Variants in GRM8 observed in about 807,000 individuals in gnomAD.
The protein encoded by GRM8 is glutamate metabotropic receptor 8, also known as metabotropic glutamate receptor 8.
Under a neutral mutation model 87.2 loss-of-function variants are expected in GRM8, and 47 were observed. That is an observed-to-expected ratio of 0.54 (90% confidence interval 0.43 to 0.69). The LOEUF (loss-of-function observed/expected upper bound fraction) is 0.69, where lower values mean the gene tolerates loss of function less well. Among genes scored for constraint, GRM8 ranks in the 30% least tolerant of loss-of-function variants. The probability of loss-of-function intolerance (pLI) is 0.00; values close to 1 mark genes in which losing one functional copy is unlikely to be tolerated. For missense variants in GRM8, 1,019 were observed against 1,139.2 expected (o/e 0.89, Z 1.52); for synonymous variants, 396 against 404.5 (o/e 0.98, Z 0.25).
At chr7:127,033,235 A>G (rs140603603) in intron 3 of GRM8, among the ~76,000 whole-genome samples, 94 of 152,106 alleles carry the variant, frequency 6.2e-4, no homozygotes, top group African/African-American at 2.2e-3. Context: ...ATCAGATTGA[A>G]TAGCAATATT....
chr7:127,013,474 G>C (rs1246885905), intron 3 of GRM8, among the ~76,000 whole-genome samples: 3 of 130,112 alleles, frequency 2.3e-5, no homozygotes, highest in African/African-American at 8.4e-5. Context: ...ATTTCCTATG[G>C]AAATGCTATA....
At chr7:127,187,313 G>A (rs1332615471) in intron 2 of GRM8, among the ~76,000 whole-genome samples, 1 of 152,056 alleles carries the variant, frequency 6.6e-6, no homozygotes, top group Non-Finnish European at 1.5e-5. Flanking sequence ...GACATTATAT[G>A]TATATGTATA....
At chr7:126,810,958 G>T (rs1793228018) in intron 6 of GRM8, among the ~76,000 whole-genome samples, 1 of 152,062 alleles carries the variant, frequency 6.6e-6, no homozygotes, top group Admixed American at 6.6e-5. Context: ...AAAATATTCA[G>T]GAGAGTTTTC....
intron 2 of GRM8, among the ~76,000 whole-genome samples, chr7:127,181,556 G>A (rs1349940266): frequency 6.6e-6 from 1 of 151,622 alleles, no homozygotes; most frequent in East Asian, 1.9e-4. Flanking sequence ...TAAGCAAAAA[G>A]AATACATCTG....
chr7:127,232,718 T>C (rs1307967246), intron 2 of GRM8, among the ~76,000 whole-genome samples: 1 of 152,244 alleles, frequency 6.6e-6, no homozygotes, highest in Non-Finnish European at 1.5e-5. Flanking sequence ...ATTATCATCA[T>C]CATAACAAAC....
intron 3 of GRM8, among the ~76,000 whole-genome samples, chr7:126,964,116 C>G (rs1415940853): frequency 2.0e-5 from 3 of 152,046 alleles, no homozygotes; most frequent in African/African-American, 7.2e-5. Flanking sequence ...TAGCCATATG[C>G]AGAAAACTGA....
intron 7 of GRM8, among the ~76,000 whole-genome samples, chr7:126,616,317 T>C (rs1799485659): frequency 1.3e-5 from 2 of 152,224 alleles, no homozygotes; most frequent in Non-Finnish European, 2.9e-5. Context: ...AAGACGTTCT[T>C]TGAAACCAAT....
chr7:127,088,499 G>A (rs1192139391), intron 3 of GRM8, among the ~76,000 whole-genome samples: 1 of 152,192 alleles, frequency 6.6e-6, no homozygotes, highest in African/African-American at 2.4e-5. Flanking sequence ...ATGATGCATG[G>A]TTACATTTAG....
At chr7:126,772,393 G>A (rs1392216520) in intron 6 of GRM8, among the ~76,000 whole-genome samples, 1 of 152,108 alleles carries the variant, frequency 6.6e-6, no homozygotes, top group East Asian at 1.9e-4. Flanking sequence ...AATAAAGACA[G>A]TGAGGTTCAG....
intron 3 of GRM8, among the ~76,000 whole-genome samples, chr7:127,085,061 G>T (rs1021763501): frequency 6.6e-6 from 1 of 152,194 alleles, no homozygotes. Flanking sequence ...AGAACATGCA[G>T]TGTTTGGTTT....
intron 6 of GRM8, among the ~76,000 whole-genome samples, chr7:126,836,710 G>C (rs1795852515): frequency 6.6e-6 from 1 of 152,026 alleles, no homozygotes; most frequent in African/African-American, 2.4e-5. Flanking sequence ...TTCTGAATCA[G>C]GTGCTCTATT....
At chr7:127,173,752 C>A (rs1309020305) in intron 2 of GRM8, among the ~76,000 whole-genome samples, 2 of 152,192 alleles carry the variant, frequency 1.3e-5, no homozygotes, top group Non-Finnish European at 2.9e-5. Flanking sequence ...TCTGATCTGA[C>A]TGACTAGGAG....
rs544248283 is a variant in GRM8 at position 127,086,719 on chromosome 7, C to G, written c.727+19777G>C. On this transcript the variant is annotated intron_variant, in intron 3 of 10. Transcript: ENST00000339582. ...TGAAGGGCAACTGTTGTGTCCGTCT[C>G]CAGTGCCTATCACAGCATTGTGCCC... 2.0e-5 allele frequency among the ~76,000 whole-genome samples: 3 copies of G among 152,334 alleles called. No individual in the cohort carries two copies. The South Asian group carries it at 6.2e-4, about 32-fold the overall frequency.
chr7:127,073,505 T>C (rs1312169895), intron 3 of GRM8, among the ~76,000 whole-genome samples: 1 of 152,146 alleles, frequency 6.6e-6, no homozygotes, highest in East Asian at 1.9e-4. Flanking sequence ...CAGGCTCTGT[T>C]CTCTGCATCA....
At chr7:126,556,642 G>A (rs1024849305) in intron 8 of GRM8, among the ~76,000 whole-genome samples, 3 of 151,966 alleles carry the variant, frequency 2.0e-5, no homozygotes, top group South Asian at 2.1e-4. Context: ...GCAAGACTCC[G>A]TCTTGAAAAA....
At chr7:127,188,617 C>A (rs555700026) in intron 2 of GRM8, among the ~76,000 whole-genome samples, 19 of 152,286 alleles carry the variant, frequency 1.2e-4, no homozygotes, top group Admixed American at 9.8e-4. Flanking sequence ...CTACATTTGA[C>A]ATAATTTTTT....
At chr7:127,054,784 G>A (rs1378839865) in intron 3 of GRM8, among the ~76,000 whole-genome samples, 1 of 152,008 alleles carries the variant, frequency 6.6e-6, no homozygotes, top group African/African-American at 2.4e-5. Context: ...TAATAAATAG[G>A]TTGTATAAAC....
intron 3 of GRM8, among the ~76,000 whole-genome samples, chr7:127,042,387 T>C (rs1818507745): frequency 6.6e-6 from 1 of 152,224 alleles, no homozygotes; most frequent in African/African-American, 2.4e-5. Context: ...AGAGGGGTCA[T>C]GGTTTTGATT....
At chr7:127,094,833 AT>A (rs1232284355) in intron 3 of GRM8, among the ~76,000 whole-genome samples, 1 of 152,228 alleles carries the variant, frequency 6.6e-6, no homozygotes, top group African/African-American at 2.4e-5. Context: ...CTTTTCAAGC[AT>A]TTGTACGGGA....
Sources: allele counts gnomAD v4.1 joint callset (sites outside exome capture counted in the v4.1 genomes callset), GRCh38; gene constraint gnomAD v4.1.1; transcripts MANE v1.5; gene names NCBI Gene and HGNC (gene_info 2026-07-23, HGNC 2026-07-21).